The following DDX47 variants were observed in gnomAD, a reference collection of about 807,000 sequenced individuals.
The protein encoded by DDX47 is probable ATP-dependent RNA helicase DDX47.
A neutral mutation model predicts 58.8 loss-of-function variants in DDX47; 60 were observed. The ratio of observed to expected loss-of-function variants is 1.02; its 90% confidence interval spans 0.83 to 1.26. The LOEUF (loss-of-function observed/expected upper bound fraction) is 1.26. Ranked by LOEUF, DDX47 falls within the 50% of genes most tolerant of loss-of-function variation. The pLI is 0.00. For synonymous variants in DDX47, 197 were observed against 204.6 expected, an observed-to-expected ratio of 0.96 and a Z score of 0.32; for missense variants, 530 against 573.2, an observed-to-expected ratio of 0.92 and a Z score of 0.77.
intron 2 of DDX47, among the ~76,000 whole-genome samples, chr12:12,816,487 A>T (rs1382870113): frequency 6.6e-6 from 1 of 152,164 alleles, no homozygotes; most frequent in Non-Finnish European, 1.5e-5. Context: ...AATTAACAAA[A>T]CTGGGGGACA....
chr12:12,822,530 G>T, intron 5 of DDX47, 131 bp from the exon 6 acceptor site: 4 of 689,542 alleles, frequency 5.8e-6, no homozygotes, highest in Non-Finnish European at 1.0e-5. Flanking sequence ...GAATCAAATT[G>T]AATTTTCGAG....
intron 11 of DDX47, among the ~76,000 whole-genome samples, chr12:12,828,200 A>G (rs1366711500): frequency 6.6e-6 from 1 of 152,182 alleles, no homozygotes. Flanking sequence ...CGCAAGTGGA[A>G]AATTCCATGC....
intron 11 of DDX47, among the ~76,000 whole-genome samples, chr12:12,827,587 C>G (rs536603546): frequency 7.1e-4 from 108 of 152,318 alleles, no homozygotes; most frequent in African/African-American, 2.5e-3. Context: ...TTCTGACATT[C>G]ACACATTCAC....
chr12:12,814,379 T>C (rs1404161341), intron 2 of DDX47, 155 bp downstream of exon 2: 1 of 600,732 alleles, frequency 1.7e-6, no homozygotes, highest in African/African-American at 1.8e-5. Flanking sequence ...CATTCTCCAA[T>C]TTTACTGAGC....
chr12:12,827,448 C>A, intron 11 of DDX47, 73 bp downstream of exon 11: 1 of 1,517,374 alleles, frequency 6.6e-7, no homozygotes, highest in Non-Finnish European at 9.0e-7. Flanking sequence ...TATATTAACC[C>A]TCATACTAAA....
At chr12:12,827,876 CTT>C (rs58725534) in intron 11 of DDX47, among the ~76,000 whole-genome samples, 6 of 132,770 alleles carry the variant, frequency 4.5e-5, no homozygotes, top group Non-Finnish European at 3.1e-5. Context: ...TTTCTTTTTT[CTT>C]TTTTTTTTTT....
chr12:12,826,832 A>T (rs1251407755), intron 10 of DDX47, among the ~76,000 whole-genome samples: 2 of 151,944 alleles, frequency 1.3e-5, no homozygotes, highest in Non-Finnish European at 2.9e-5. Flanking sequence ...ATCATAGCTC[A>T]CTGCAGCTTC....
At chr12:12,826,162 A>G in intron 10 of DDX47, 92 bp downstream of exon 10, 1 of 999,006 alleles carries the variant, frequency 1.0e-6, no homozygotes, top group Non-Finnish European at 1.5e-6. Context: ...CATTTACTAC[A>G]CTAATCACTT....
rs1212533938 is a variant in DDX47, at chr12:12,821,638, TC to T, written c.371-16del. 1.9e-6 allele frequency: 3 copies of T among 1,612,592 alleles called. No individual in the cohort carries two copies. In the Admixed American group the frequency reaches 5.0e-5, roughly 27 times the overall value. ...AAAATTAAGGATCTCGTCTCTATGT[TC>T]TTTTTTTCTCTGTAGCTGTGATTGT... On this transcript the variant is annotated splice_polypyrimidine_tract_variant and intron_variant, in intron 3 of 11. Coordinates refer to ENST00000358007, the MANE Select transcript of DDX47 (RefSeq NM_016355.4).
intron 2 of DDX47, among the ~76,000 whole-genome samples, chr12:12,819,966 C>A (rs547977084): frequency 4.6e-5 from 7 of 152,234 alleles, no homozygotes; most frequent in African/African-American, 1.7e-4. Context: ...AAGTCATGTT[C>A]AGGTTATGTC....
chr12:12,826,144 G>A, intron 10 of DDX47, 74 bp downstream of exon 10: 1 of 1,261,132 alleles, frequency 7.9e-7, no homozygotes, highest in Non-Finnish European at 1.1e-6. Flanking sequence ...CTGAGAACCT[G>A]ACACTACCAT....
chr12:12,829,396 A>G lies in DDX47; in HGVS notation c.1237-27A>G, dbSNP rs1235511207. 4.4e-6 allele frequency: 7 copies of G among 1,593,686 alleles called. No individual in the cohort carries two copies. In the East Asian group the frequency reaches 6.7e-5, roughly 15 times the overall value. ...CTTCAGTGCCAGTAATTCATTTTCA[A>G]TCCCATCCTCTCTTTTTTTCTTGCA... is the stretch of plus-strand genomic sequence containing the variant. On this transcript the variant is annotated intron_variant, in intron 11 of 11. Transcript: ENST00000358007.
intron 11 of DDX47, among the ~76,000 whole-genome samples, chr12:12,827,869 C>CTT (rs1354059622): frequency 0.2 from 20,785 of 105,386 alleles, 2,736 homozygotes; most frequent in Non-Finnish European, 0.24. Context: ...CAAAACTTTT[C>CTT]TTTTTTCTTT....
chr12:12,822,641 T>G lies in DDX47; in HGVS notation c.562-20T>G, dbSNP rs1862990703. ...CCAGTCTGAATATCATATTGGCATC[T>G]TTTCCTCTTTGTGCTTTAGGTTGAC... is the stretch of plus-strand genomic sequence containing the variant. On this transcript the variant is annotated intron_variant, in intron 5 of 11. Transcript: ENST00000358007. 1 of 1,610,080 alleles carries G rather than the reference T, an allele frequency of 6.2e-7. No homozygotes were observed. The highest frequency in any genetic ancestry group is 8.5e-7 in the Non-Finnish European group (1 of 1,176,708).
At chr12:12,822,554 C>A in intron 5 of DDX47, 107 bp from the exon 6 acceptor site, 1 of 852,544 alleles carries the variant, frequency 1.2e-6, no homozygotes, top group Non-Finnish European at 1.9e-6. Context: ...CAAATCTTCA[C>A]AGTGATATAT....
chr12:12,820,252 A>C (rs890397743), intron 2 of DDX47: 2 of 152,216 alleles, frequency 1.3e-5, no homozygotes, highest in African/African-American at 4.8e-5. Flanking sequence ...TACTTAGAGC[A>C]TTCTTCCCTC....
chr12:12,822,809 A>C (rs1862993174), intron 6 of DDX47, 77 bp downstream of exon 6: 1 of 1,293,316 alleles, frequency 7.7e-7, no homozygotes, highest in East Asian at 2.3e-5. Context: ...AATAAGGAAA[A>C]ATAAATTGCT....
chr12:12,827,420 A>G (rs530751830), intron 11 of DDX47, 45 bp downstream of exon 11: 3 of 1,602,110 alleles, frequency 1.9e-6, no homozygotes, highest in African/African-American at 2.7e-5. Flanking sequence ...AAACAATGTT[A>G]ACTGTGTGCC....
chr12:12,815,130 C>T (rs889896468), intron 2 of DDX47, among the ~76,000 whole-genome samples: 2 of 152,098 alleles, frequency 1.3e-5, no homozygotes, highest in Non-Finnish European at 2.9e-5. Context: ...TGAATGTAAT[C>T]ATAGCAATTG....
Sources: gnomAD v4.1 joint callset for allele counts (sites outside exome capture counted in the v4.1 genomes callset) on GRCh38, gnomAD v4.1.1 for gene constraint, MANE v1.5 for transcripts, NCBI Gene and HGNC (gene_info 2026-07-23, HGNC 2026-07-21) for gene names.